NRXN1: variants seen among roughly 807,000 people sequenced by gnomAD.
The protein encoded by NRXN1 is neurexin 1, also known as neurexin-1.
In NRXN1, 39 loss-of-function variants were observed where a neutral mutation model predicts 150.9. The observed-to-expected ratio is 0.26, with a 90% CI of 0.20 to 0.34. The LOEUF (loss-of-function observed/expected upper bound fraction) is 0.34. NRXN1 is among the 10% of genes least tolerant of loss of function. The pLI is 1.00. For missense variants in NRXN1, 1,815 were observed against 1,949.9 expected (o/e 0.93, Z 1.30); for synonymous variants, 924 against 757.0 (o/e 1.22, Z -3.62).
chr2:49,958,289 G>T (rs1675334225), intron 21 of NRXN1, among the ~76,000 whole-genome samples: 1 of 151,686 alleles, frequency 6.6e-6, no homozygotes, highest in Non-Finnish European at 1.5e-5. Flanking sequence ...CTCTTTTTTT[G>T]GTCCACTATT....
intron 18 of NRXN1, among the ~76,000 whole-genome samples, chr2:50,209,310 G>C (rs573733870): frequency 6.6e-6 from 1 of 152,238 alleles, no homozygotes; most frequent in South Asian, 2.1e-4. Context: ...AAATGCCAGA[G>C]AGTCTAATTC....
intron 17 of NRXN1, among the ~76,000 whole-genome samples, chr2:50,423,195 T>A (rs1427096671): frequency 1.3e-5 from 2 of 152,162 alleles, no homozygotes; most frequent in Non-Finnish European, 2.9e-5. Flanking sequence ...CCTTCTATCA[T>A]CAAACCTGTG....
At chr2:50,277,353 G>A (rs986459459) in intron 17 of NRXN1, among the ~76,000 whole-genome samples, 1 of 66,806 alleles carries the variant, frequency 1.5e-5, no homozygotes, top group Non-Finnish European at 3.3e-5. Flanking sequence ...AGTTGACATT[G>A]CTTGGCCAAG....
In NRXN1 at chr2:50,249,466, T is replaced by C. The variant is rs551832438; in HGVS notation, c.3365-12496A>G. ...GAGACAGAATACAAAGGCAATAAAA[T>C]AGTATAATTTAAGAATAAAAACATC... is the stretch of plus-strand genomic sequence containing the variant. On this transcript the variant is annotated intron_variant, in intron 17 of 22. Transcript: ENST00000401669. Among the ~76,000 whole-genome samples the C allele has an allele frequency of 2.6e-5, 4 of 152,128 alleles. No homozygotes were observed. The East Asian group carries it at 7.7e-4, about 29-fold the overall frequency.
chr2:50,612,918 G>A (rs1325565422), intron 8 of NRXN1, among the ~76,000 whole-genome samples: 1 of 152,134 alleles, frequency 6.6e-6, no homozygotes, highest in Non-Finnish European at 1.5e-5. Flanking sequence ...CATGAAAGGA[G>A]GCAAGGGTAA....
intron 2 of NRXN1, among the ~76,000 whole-genome samples, chr2:50,971,616 T>C (rs1695015717): frequency 6.6e-6 from 1 of 151,748 alleles, no homozygotes; most frequent in African/African-American, 2.4e-5. Context: ...ATAAATAAAA[T>C]AAATTTTAAA....
At chr2:50,446,512 TCCTC>T (rs1240212384) in intron 17 of NRXN1, among the ~76,000 whole-genome samples, 1 of 128,868 alleles carries the variant, frequency 7.8e-6, no homozygotes, top group Non-Finnish European at 1.7e-5. Context: ...TTCCCCGTCT[TCCTC>T]CCTCCCTCCC....
At chr2:50,145,409 G>A (rs139003620) in intron 18 of NRXN1, among the ~76,000 whole-genome samples, 3 of 151,202 alleles carry the variant, frequency 2.0e-5, no homozygotes, top group Non-Finnish European at 1.5e-5. Flanking sequence ...TAATAATATC[G>A]TCTTACATAA....
At chr2:50,461,307 C>T (rs1338200913) in intron 17 of NRXN1, among the ~76,000 whole-genome samples, 1 of 151,918 alleles carries the variant, frequency 6.6e-6, no homozygotes, top group African/African-American at 2.4e-5. Context: ...CCCTCCTAAG[C>T]TGTAGCACCA....
At chr2:50,768,997 C>T (rs1039789715) in intron 5 of NRXN1, among the ~76,000 whole-genome samples, 42 of 151,980 alleles carry the variant, frequency 2.8e-4, no homozygotes, top group Non-Finnish European at 5.3e-4. Flanking sequence ...GGCATGGTCT[C>T]AGCTACCCAG....
intron 5 of NRXN1, among the ~76,000 whole-genome samples, chr2:50,641,546 C>A (rs371962027): frequency 6.6e-6 from 1 of 151,930 alleles, no homozygotes; most frequent in Non-Finnish European, 1.5e-5. Context: ...GGCATACAAC[C>A]GAGAGACATC....
chr2:50,086,925 C>T (rs1698871286), intron 19 of NRXN1, among the ~76,000 whole-genome samples: 1 of 151,934 alleles, frequency 6.6e-6, no homozygotes, highest in African/African-American at 2.4e-5. Flanking sequence ...TTGCATTCAT[C>T]TTGTTTATTT....
intron 17 of NRXN1, among the ~76,000 whole-genome samples, chr2:50,443,769 T>C (rs956991098): frequency 2.0e-5 from 3 of 152,198 alleles, no homozygotes; most frequent in Non-Finnish European, 2.9e-5. Flanking sequence ...TAGTTCCATA[T>C]ATACAATACT....
At chr2:50,996,375 C>T (rs1271784753) in intron 2 of NRXN1, among the ~76,000 whole-genome samples, 3 of 152,028 alleles carry the variant, frequency 2.0e-5, no homozygotes, top group Admixed American at 1.3e-4. Flanking sequence ...ATGGGTTTAC[C>T]TTCCCTTGTC....
chr2:50,743,811 T>C (rs1023736944), intron 5 of NRXN1, among the ~76,000 whole-genome samples: 1 of 152,178 alleles, frequency 6.6e-6, no homozygotes, highest in African/African-American at 2.4e-5. Flanking sequence ...TACTTTATAC[T>C]GAATTTATTC....
At chr2:49,965,702 G>T (rs1676856397) in intron 21 of NRXN1, among the ~76,000 whole-genome samples, 1 of 152,090 alleles carries the variant, frequency 6.6e-6, no homozygotes, top group East Asian at 1.9e-4. Flanking sequence ...ATCTCATTTG[G>T]CAGTTTTGAA....
intron 2 of NRXN1, among the ~76,000 whole-genome samples, chr2:51,003,570 A>AC (rs1020894831): frequency 7.2e-5 from 11 of 152,024 alleles, no homozygotes; most frequent in African/African-American, 2.7e-4. Flanking sequence ...ACTGTGTAAG[A>AC]CATGAAAGAA....
intron 17 of NRXN1, among the ~76,000 whole-genome samples, chr2:50,276,956 G>C (rs2070561441): frequency 1.3e-5 from 2 of 152,002 alleles, no homozygotes; most frequent in South Asian, 4.2e-4. Flanking sequence ...CTTTGACTAG[G>C]GCTCTCATTT....
chr2:50,135,556 T>C (rs567655344), intron 18 of NRXN1, among the ~76,000 whole-genome samples: 2 of 152,224 alleles, frequency 1.3e-5, no homozygotes, highest in African/African-American at 4.8e-5. Context: ...CCAGGCATGG[T>C]GGCGGGCGCC....
Sources: allele counts gnomAD v4.1 joint callset (sites outside exome capture counted in the v4.1 genomes callset), GRCh38; gene constraint gnomAD v4.1.1; transcripts MANE v1.5; gene names NCBI Gene and HGNC (gene_info 2026-07-23, HGNC 2026-07-21).